The following CLIC2 variants were observed in gnomAD, a reference collection of about 807,000 sequenced individuals.
CLIC2 encodes CLIC family member 2.
In CLIC2, 9 loss-of-function variants were observed where a neutral mutation model predicts 14.8. The ratio of observed to expected loss-of-function variants is 0.61; its 90% CI spans 0.37 to 1.06. The LOEUF is 1.06. Among genes scored for constraint, CLIC2 ranks in the 50% least tolerant of loss-of-function variants. CLIC2 has a pLI of 0.01. For synonymous variants in CLIC2, 61 were observed against 66.3 expected, an observed-to-expected ratio of 0.92 and a Z score of 0.39; for missense variants, 148 against 181.4, an observed-to-expected ratio of 0.82 and a Z score of 1.06.
intron 3 of CLIC2, among the ~76,000 whole-genome samples, chrX:155,282,480 A>G (rs1295441130): frequency 9.0e-6 from 1 of 111,072 alleles, no homozygotes; most frequent in East Asian, 2.8e-4. Context: ...CTAGCCCTGG[A>G]CAGGCCATGA....
chrX:155,304,331 T>C (rs1223554013), intron 1 of CLIC2, among the ~76,000 whole-genome samples: 1 of 99,908 alleles, frequency 1.0e-5, no homozygotes, highest in Non-Finnish European at 2.0e-5. Context: ...TTCATTCATT[T>C]CATCTTCCAT....
intron 1 of CLIC2, among the ~76,000 whole-genome samples, chrX:155,316,245 T>C (rs1438366060): frequency 2.7e-5 from 3 of 111,716 alleles, no homozygotes; most frequent in African/African-American, 9.7e-5. Context: ...CAACTTAAAC[T>C]ATACCCTAAA....
At chrX:155,328,287 A>C (rs59915761) in intron 1 of CLIC2, among the ~76,000 whole-genome samples, 152 of 111,480 alleles carry the variant, frequency 1.4e-3, no homozygotes, top group African/African-American at 4.8e-3. Flanking sequence ...AAAACTCTTA[A>C]AGTTGATAAA....
chrX:155,295,547 G>C (rs1453650395), intron 3 of CLIC2, among the ~76,000 whole-genome samples: 1 of 110,499 alleles, frequency 9.0e-6, no homozygotes, highest in African/African-American at 3.3e-5. Flanking sequence ...AGAAATAAAA[G>C]GCATCCAAAT....
At chrX:155,302,292 C>T (rs1215186656) in intron 1 of CLIC2, among the ~76,000 whole-genome samples, 6 of 106,995 alleles carry the variant, frequency 5.6e-5, no homozygotes, top group African/African-American at 2.0e-4. Flanking sequence ...TCAACTTCTT[C>T]CTGGTTTAGT....
chrX:155,292,632 T>G (rs10284177), intron 3 of CLIC2: 3 of 235,687 alleles, frequency 1.3e-5, no homozygotes, highest in Admixed American at 6.9e-5. Context: ...TAGCCGGGCG[T>G]GGTGGCGGGC....
rs1557316241 is a variant in CLIC2 at position 155,279,953 on chromosome X, G to T, written c.400+9C>A. ...GAGAAAAATAGAGATTTAAAGAAAG[G>T]TATCTTACTCTTATTTGCCTCCTTT... On this transcript the variant is annotated intron_variant, in intron 4 of 5. Transcript: ENST00000369449. 4 of 1,099,960 alleles carry T rather than the reference G, an allele frequency of 3.6e-6. No individual in the cohort carries two copies. Among genetic ancestry groups the T allele is most frequent in the South Asian group, 3.7e-5 (2 of 54,538 alleles). The allele number at this position is 1,099,960 out of a possible 1,213,427, so 90.6% of individuals were successfully genotyped here. A position where few individuals can be genotyped will look rare whatever the true frequency, so the allele number is the denominator to read the frequency against.
chrX:155,290,883 C>T (rs1557317536), intron 3 of CLIC2: 10 of 665,973 alleles, frequency 1.5e-5, no homozygotes, highest in East Asian at 6.4e-5. Flanking sequence ...TCCACACCCA[C>T]GTCAGTCTGT....
chrX:155,319,155 G>A (rs1181629192), intron 1 of CLIC2, among the ~76,000 whole-genome samples: 3 of 112,063 alleles, frequency 2.7e-5, no homozygotes, highest in Non-Finnish European at 3.8e-5. Flanking sequence ...TTTAGGCAAA[G>A]ACTTCATGAC....
chrX:155,293,433 A>T lies in CLIC2; in HGVS notation c.293+5352T>A. The T allele has an allele frequency of 4.7e-6, 3 of 642,909 alleles. No individual in the cohort carries two copies. The South Asian group carries it at 6.6e-5, about 14-fold the overall frequency. 53.0% of individuals were successfully genotyped at this position (642,909 alleles called of 1,213,427 possible). On this transcript the variant is annotated intron_variant, in intron 3 of 5. Coordinates refer to ENST00000369449, the MANE Select transcript of CLIC2 (RefSeq NM_001289.6). ...GTGGCCATCCTTCTTGCCTGGATAT[A>T]AAGAAAATAAAGGACTCAAATATTA...
chrX:155,303,967 C>T (rs1376959516), intron 1 of CLIC2, among the ~76,000 whole-genome samples: 1 of 107,027 alleles, frequency 9.3e-6, no homozygotes, highest in Non-Finnish European at 1.9e-5. Context: ...GTCTGATGGG[C>T]TTCCCTTTGA....
intron 1 of CLIC2, among the ~76,000 whole-genome samples, chrX:155,311,355 A>G (rs1243691342): frequency 9.0e-5 from 10 of 111,697 alleles, no homozygotes; most frequent in African/African-American, 2.9e-4. Context: ...AAACTTCCAC[A>G]AATCTCTAGG....
intron 1 of CLIC2, among the ~76,000 whole-genome samples, chrX:155,316,650 C>T (rs782201496): frequency 5.5e-5 from 6 of 110,055 alleles, no homozygotes; most frequent in African/African-American, 2.0e-4. Context: ...ACAGAACTAA[C>T]AGGATATATA....
chrX:155,331,434 A>G (rs142014475), intron 1 of CLIC2, among the ~76,000 whole-genome samples: 1 of 111,818 alleles, frequency 8.9e-6, no homozygotes, highest in Non-Finnish European at 1.9e-5. Context: ...CAAAGACAGG[A>G]TGCAGCCATT....
chrX:155,285,220 T>C (rs782140126), intron 3 of CLIC2, among the ~76,000 whole-genome samples: 1 of 112,673 alleles, frequency 8.9e-6, no homozygotes, highest in Admixed American at 9.4e-5. Context: ...TTTGTAACAA[T>C]AAAACGTAGA....
Position 155,279,211 on chromosome X carries a change from A to G in CLIC2, c.520T>C (p.Leu174=). 2 of 1,210,300 alleles carry G rather than the reference A, an allele frequency of 1.7e-6. No individual in the cohort carries two copies. The highest frequency in any genetic ancestry group is 2.2e-6 in the Non-Finnish European group (2 of 894,258). Residue 174 remains leucine, a synonymous_variant, in exon 5 of 6, where the codon TTG becomes CTG. Transcript: ENST00000369449. ...EEPPVSRRLF[L]DGDQLTLADC... ...GCCAGTGTTAGCTGGTCCCCATCCA[A>G]GAATAGTCTTCTGGAAACTGGGGGT... is the stretch of plus-strand genomic sequence containing the variant.
At position 155,277,754 on chromosome X, in the gene CLIC2, T is replaced by C. The variant is rs2074903517; in HGVS notation, c.*149A>G. On this transcript the variant is annotated 3_prime_UTR_variant, in exon 6 of 6. Transcript: ENST00000369449. ...TAAAATACAGTGGACAGATTATTTA[T>C]GGCTAATAGAAAATACAGAGTTCCT... 2.0e-6 allele frequency: 1 copy of C among 496,599 alleles called. No individual in the cohort carries two copies. 40.9% of individuals were successfully genotyped at this position (496,599 alleles called of 1,213,427 possible).
intron 3 of CLIC2, chrX:155,291,422 G>A: frequency 4.0e-6 from 2 of 495,835 alleles, no homozygotes; most frequent in Non-Finnish European, 7.4e-6. Flanking sequence ...GTGCAGCCGA[G>A]TATGGGGTTT....
At chrX:155,313,220 A>G (rs1426120968) in intron 1 of CLIC2, among the ~76,000 whole-genome samples, 1 of 108,859 alleles carries the variant, frequency 9.2e-6, no homozygotes, top group Non-Finnish European at 1.9e-5. Flanking sequence ...AAAAAACAAA[A>G]CTACTGTCAA....
Sources: allele counts gnomAD v4.1 joint callset (sites outside exome capture counted in the v4.1 genomes callset), GRCh38; gene constraint gnomAD v4.1.1; transcripts MANE v1.5; gene names NCBI Gene and HGNC (gene_info 2026-07-23, HGNC 2026-07-21).